SIPA1L2: variants seen among roughly 807,000 people sequenced by gnomAD.
SIPA1L2 encodes signal-induced proliferation-associated 1-like protein 2.
SIPA1L2 carries 56 observed loss-of-function variants against 163.9 expected under a neutral mutation model. That is an observed-to-expected ratio of 0.34 (90% CI 0.28 to 0.43). The LOEUF (loss-of-function observed/expected upper bound fraction) is 0.43, where lower values mean the gene tolerates loss of function less well. Ranked by LOEUF, SIPA1L2 falls within the 20% of genes least tolerant of loss-of-function variation. SIPA1L2 has a pLI of 1.00. For missense variants in SIPA1L2, 1,974 were observed against 2,193.5 expected, an observed-to-expected ratio of 0.90 and a Z score of 2.00; for synonymous variants, 877 against 865.7, an observed-to-expected ratio of 1.01 and a Z score of -0.23.
intron 1 of SIPA1L2, among the ~76,000 whole-genome samples, chr1:232,608,802 G>A (rs1380923723): frequency 1.3e-5 from 2 of 152,020 alleles, no homozygotes; most frequent in African/African-American, 4.8e-5. Context: ...CAGTGGCCAA[G>A]CAAGTGCCAG....
chr1:232,474,367 G>C (rs1664934299), intron 7 of SIPA1L2, among the ~76,000 whole-genome samples: 1 of 152,188 alleles, frequency 6.6e-6, no homozygotes, highest in Non-Finnish European at 1.5e-5. Context: ...GTTATGACAA[G>C]GAAAGAGAAA....
At chr1:232,530,970 A>G (rs1345662547) in intron 2 of SIPA1L2, among the ~76,000 whole-genome samples, 1 of 152,212 alleles carries the variant, frequency 6.6e-6, no homozygotes, top group Admixed American at 6.5e-5. Flanking sequence ...ACGCTCTAGA[A>G]ATCATTTATA....
At chr1:232,450,262 T>C (rs112161277) in intron 10 of SIPA1L2, among the ~76,000 whole-genome samples, 6 of 152,372 alleles carry the variant, frequency 3.9e-5, no homozygotes, top group Admixed American at 6.5e-5. Flanking sequence ...GCAAATTACA[T>C]TGGGTTGCAT....
At chr1:232,464,025 G>A (rs945467634) in intron 9 of SIPA1L2, among the ~76,000 whole-genome samples, 25 of 151,986 alleles carry the variant, frequency 1.6e-4, no homozygotes, top group African/African-American at 5.8e-4. Context: ...ATGATCCATA[G>A]TGAACTAAAC....
Position 232,421,243 on chromosome 1 carries a change from C to T in SIPA1L2, c.4630+4346G>A, listed in dbSNP as rs1035950190. On this transcript the variant is annotated intron_variant, in intron 18 of 22. Transcript: ENST00000674635. ...TGCATACGGACCTAAGTCAGCCTTT[C>T]GAGAGACTCATGAATTCTGAAAGGG... 2.7e-4 allele frequency among the ~76,000 whole-genome samples: 41 copies of T among 152,254 alleles called. 1 individual carries two copies. The highest frequency in any genetic ancestry group is 9.9e-4 in the African/African-American group (41 of 41,542).
chr1:232,544,539 G>A (rs926302689), intron 2 of SIPA1L2, among the ~76,000 whole-genome samples: 2 of 143,346 alleles, frequency 1.4e-5, no homozygotes, highest in African/African-American at 2.6e-5. Flanking sequence ...CAGCCTGGGC[G>A]ACAGAGCGAG....
intron 1 of SIPA1L2, among the ~76,000 whole-genome samples, chr1:232,588,060 T>G (rs939592057): frequency 6.6e-6 from 1 of 152,116 alleles, no homozygotes; most frequent in Non-Finnish European, 1.5e-5. Context: ...ACTAATACAA[T>G]GGAGAAGTAA....
intron 6 of SIPA1L2, among the ~76,000 whole-genome samples, chr1:232,481,947 T>G (rs142170006): frequency 2.6e-5 from 4 of 152,338 alleles, no homozygotes; most frequent in African/African-American, 9.6e-5. Flanking sequence ...AGGAAGATTT[T>G]TGTCTGTTCC....
intron 3 of SIPA1L2, among the ~76,000 whole-genome samples, chr1:232,501,406 G>A (rs950357139): frequency 6.6e-6 from 1 of 152,072 alleles, no homozygotes; most frequent in African/African-American, 2.4e-5. Context: ...CCGCATCTCT[G>A]AGCTGTGCCT....
At position 232,404,292 on chromosome 1, in the gene SIPA1L2, G is replaced by A. The variant is rs1044809132; in HGVS notation, c.4763-114C>T. ...GTAGTGTGTGTGTGTGATGGACCAGGGGAAACCCTTGAGAGCCAGTATCAT... is the reference window on the plus strand; with the variant it reads ...GTAGTGTGTGTGTGTGATGGACCAGAGGAAACCCTTGAGAGCCAGTATCAT... On this transcript the variant is annotated intron_variant, in intron 19 of 22. Transcript: ENST00000674635. The A allele has an allele frequency of 5.4e-5, 45 of 836,812 alleles. No homozygotes were observed. In the African/African-American group the frequency reaches 6.8e-4, roughly 13 times the overall value. The allele number at this position is 836,812 out of a possible 1,614,324, so 51.8% of individuals were successfully genotyped here. A position where few individuals can be genotyped will look rare whatever the true frequency, so the allele number is the denominator to read the frequency against.
chr1:232,493,450 T>C, intron 4 of SIPA1L2, 77 bp downstream of exon 4: 7 of 1,562,380 alleles, frequency 4.5e-6, no homozygotes, highest in East Asian at 2.3e-5. Flanking sequence ...CAGTACCCTA[T>C]CTAAAACAAA....
chr1:232,449,140 TGA>T (rs1663395334), intron 10 of SIPA1L2, among the ~76,000 whole-genome samples: 1 of 152,044 alleles, frequency 6.6e-6, no homozygotes, highest in African/African-American at 2.4e-5. Flanking sequence ...GTGGAACTTA[TGA>T]GAGTTAAAAT....
chr1:232,520,357 C>T (rs1421242488), intron 2 of SIPA1L2, among the ~76,000 whole-genome samples: 1 of 152,184 alleles, frequency 6.6e-6, no homozygotes, highest in Admixed American at 6.5e-5. Context: ...GGAAGGCCAC[C>T]GACCAAAATT....
intron 8 of SIPA1L2, among the ~76,000 whole-genome samples, chr1:232,468,084 G>A (rs1664615738): frequency 6.6e-6 from 1 of 152,060 alleles, no homozygotes; most frequent in African/African-American, 2.4e-5. Context: ...TGATATTCTG[G>A]GTATGGGAAT....
chr1:232,508,752 C>T (rs899920853), intron 3 of SIPA1L2, among the ~76,000 whole-genome samples: 1 of 152,194 alleles, frequency 6.6e-6, no homozygotes, highest in African/African-American at 2.4e-5. Flanking sequence ...AAGGAAGGGA[C>T]TTATTGGGCA....
chr1:232,557,202 A>T (rs1658763696), intron 2 of SIPA1L2, among the ~76,000 whole-genome samples: 1 of 152,186 alleles, frequency 6.6e-6, no homozygotes, highest in Admixed American at 6.5e-5. Context: ...GGCGTACAGG[A>T]CAAATAGGAA....
intron 6 of SIPA1L2, among the ~76,000 whole-genome samples, chr1:232,480,905 T>A (rs958747188): frequency 6.6e-6 from 1 of 152,218 alleles, no homozygotes; most frequent in South Asian, 2.1e-4. Flanking sequence ...CCCTGTAGTA[T>A]GTCTTTCTAA....
intron 3 of SIPA1L2, among the ~76,000 whole-genome samples, chr1:232,511,274 C>T (rs900717612): frequency 6.6e-6 from 1 of 152,006 alleles, no homozygotes; most frequent in Non-Finnish European, 1.5e-5. Context: ...AAGCCAAGAC[C>T]GAAATTCAGG....
At chr1:232,476,735 G>A (rs1268320382) in intron 7 of SIPA1L2, among the ~76,000 whole-genome samples, 1 of 152,206 alleles carries the variant, frequency 6.6e-6, no homozygotes. Flanking sequence ...AAAGATTAAA[G>A]CTCTTTTGCA....
Sources: allele counts gnomAD v4.1 joint callset (sites outside exome capture counted in the v4.1 genomes callset), GRCh38; gene constraint gnomAD v4.1.1; transcripts MANE v1.5; gene names NCBI Gene and HGNC (gene_info 2026-07-23, HGNC 2026-07-21).